The following CREG2 variants were observed in gnomAD, a reference collection of about 807,000 sequenced individuals.
CREG2 encodes cellular repressor of E1A stimulated genes 2, also known as protein CREG2.
A neutral mutation model predicts 26.2 loss-of-function variants in CREG2; 24 were observed. That is an observed-to-expected ratio of 0.92 (90% CI 0.66 to 1.29). CREG2 has a LOEUF of 1.29. CREG2 is among the 50% of genes most tolerant of loss of function. CREG2 has a pLI of 0.00. For synonymous variants in CREG2, 174 were observed against 169.2 expected, an observed-to-expected ratio of 1.03 and a Z score of -0.22; for missense variants, 366 against 398.6, an observed-to-expected ratio of 0.92 and a Z score of 0.70.
intron 1 of CREG2, among the ~76,000 whole-genome samples, chr2:101,386,383 T>C (rs1260296206): frequency 6.6e-6 from 1 of 152,240 alleles, no homozygotes; most frequent in Non-Finnish European, 1.5e-5. Context: ...GCATTACTTA[T>C]CCATGTCATT....
intron 1 of CREG2, among the ~76,000 whole-genome samples, chr2:101,385,821 G>T (rs1449196099): frequency 6.6e-6 from 1 of 152,198 alleles, no homozygotes; most frequent in Non-Finnish European, 1.5e-5. Context: ...TAAATCAAAT[G>T]TCAATAAGGA....
intron 2 of CREG2, among the ~76,000 whole-genome samples, chr2:101,370,641 GC>G (rs2104479142): frequency 6.6e-6 from 1 of 152,254 alleles, no homozygotes; most frequent in Non-Finnish European, 1.5e-5. Flanking sequence ...AGATCCGAAG[GC>G]CCTTATTTTC....
rs905582295 is a variant in CREG2 at position 101,346,814 on chromosome 2, A to G, written c.*4109T>C. 1.3e-4 allele frequency: 20 copies of G among 152,242 alleles called. No homozygotes were observed. The highest frequency in any genetic ancestry group is 8.8e-5 in the Non-Finnish European group (6 of 68,048). 9.4% of individuals were successfully genotyped at this position (152,242 alleles called of 1,614,324 possible). A position where few individuals can be genotyped will look rare whatever the true frequency, so the allele number is the denominator to read the frequency against. Reference sequence around the variant, plus strand: ...TTCACATGCAGTTGTAAGAAATAATACAGAGATCCTGTGTTCTTTTTACCC... The same window carrying G: ...TTCACATGCAGTTGTAAGAAATAATGCAGAGATCCTGTGTTCTTTTTACCC... On this transcript the variant is annotated 3_prime_UTR_variant, in exon 4 of 4. Coordinates refer to ENST00000324768, the MANE Select transcript of CREG2 (RefSeq NM_153836.4).
intron 2 of CREG2, among the ~76,000 whole-genome samples, chr2:101,360,797 G>A (rs901610184): frequency 1.3e-5 from 2 of 151,768 alleles, no homozygotes; most frequent in African/African-American, 2.4e-5. Context: ...CTGGAAAAAT[G>A]TGGTTGTTAA....
In CREG2 at chr2:101,383,595, A is replaced by G. The variant is rs1436832152; in HGVS notation, c.549T>C (p.Ala183=). The G allele has an allele frequency of 1.9e-6, 3 of 1,614,224 alleles. No homozygotes were observed. Among genetic ancestry groups the G allele is most frequent in the Admixed American group, 1.7e-5 (1 of 60,026 alleles). ...AGGCCATGGGGTTCTTCATCAGATC[A>G]GCCACCACGGGGTCCTTGGCTGTCA... is the stretch of plus-strand genomic sequence containing the variant. ...FYMTAKDPVV[A]DLMKNPMASL... The change falls in exon 2 of 4, where the codon GCT becomes GCC. Residue 183 remains alanine (A), a synonymous_variant. Coordinates refer to ENST00000324768, the MANE Select transcript of CREG2 (RefSeq NM_153836.4).
intron 2 of CREG2, among the ~76,000 whole-genome samples, chr2:101,356,237 G>A (rs1028171432): frequency 5.3e-5 from 8 of 152,138 alleles, no homozygotes; most frequent in African/African-American, 1.7e-4. Context: ...TGCCAGCTGC[G>A]GTCTGGGGTT....
intron 2 of CREG2, among the ~76,000 whole-genome samples, chr2:101,362,612 C>G (rs1293726726): frequency 1.3e-5 from 2 of 152,174 alleles, no homozygotes; most frequent in African/African-American, 4.8e-5. Context: ...CCTTTGGGCT[C>G]TCTACCTCCT....
intron 2 of CREG2, among the ~76,000 whole-genome samples, chr2:101,368,809 A>G (rs1477763959): frequency 6.6e-6 from 1 of 152,214 alleles, no homozygotes; most frequent in African/African-American, 2.4e-5. Context: ...CAGTGAGAAG[A>G]TGCCACCTCT....
At chr2:101,381,079 G>A (rs897931127) in intron 2 of CREG2, among the ~76,000 whole-genome samples, 2 of 152,184 alleles carry the variant, frequency 1.3e-5, no homozygotes, top group Non-Finnish European at 2.9e-5. Flanking sequence ...AGACATGGGC[G>A]CTTTCTTGAA....
chr2:101,347,241 C>A lies in CREG2; in HGVS notation c.*3682G>T, dbSNP rs1219557519. ...CCACCCGTTAAAGGCCATCTGATTT[C>A]TCCAAGTTTTTGAACATTATGGATA... On this transcript the variant is annotated 3_prime_UTR_variant, in exon 4 of 4. Transcript: ENST00000324768. The A allele has an allele frequency of 6.6e-6, 1 of 152,186 alleles. No homozygotes were observed. The highest frequency in any genetic ancestry group is 1.5e-5 in the Non-Finnish European group (1 of 68,026). 9.4% of individuals were successfully genotyped at this position (152,186 alleles called of 1,614,324 possible). A position where few individuals can be genotyped will look rare whatever the true frequency, so the allele number is the denominator to read the frequency against.
intron 2 of CREG2, among the ~76,000 whole-genome samples, chr2:101,374,925 C>T (rs529173495): frequency 6.6e-6 from 1 of 152,316 alleles, no homozygotes; most frequent in South Asian, 2.1e-4. Context: ...GGTGCACCCT[C>T]ATTTAGTTGT....
At position 101,362,457 on chromosome 2, in the gene CREG2, C is replaced by T. The variant is rs114813891; in HGVS notation, c.612-7091G>A. On this transcript the variant is annotated intron_variant, in intron 2 of 3. Transcript: ENST00000324768. ...TTTCTTTCAACTGAAAGGTTGCTCA[C>T]TAATTACAGGGCTTCAAGTTTCTGG... Among the ~76,000 whole-genome samples the T allele has an allele frequency of 8.9e-3, 1,348 of 152,316 alleles. 15 individuals carry two copies. The highest frequency in any genetic ancestry group is 0.031 in the African/African-American group (1,273 of 41,552).
At position 101,387,386 on chromosome 2, in the gene CREG2, G is replaced by A; in HGVS notation, c.72C>T (p.Ala24=). 6.9e-7 allele frequency: 1 copy of A among 1,454,260 alleles called. No individual in the cohort carries two copies. The highest frequency in any genetic ancestry group is 1.5e-5 in the African/African-American group (1 of 68,372). The allele number at this position is 1,454,260 out of a possible 1,614,324, so 90.1% of individuals were successfully genotyped here. ...TRLSWLLCCS[A]LLSPAAGYVI... The stretch of plus-strand genomic sequence containing the variant: ...CGTAGCCCGCGGCCGGGGACAGCAG[G>A]GCGCTGCAGCACAGCAGCCAGGAGA... Residue 24 remains alanine, a synonymous_variant, in exon 1 of 4, where the codon GCC becomes GCT. Coordinates refer to ENST00000324768, the MANE Select transcript of CREG2 (RefSeq NM_153836.4). This position sits in a 1 kb window ranked among gnomAD's most constrained non-coding sequence, Gnocchi z 4.7.
chr2:101,382,862 C>T (rs1684899498), intron 2 of CREG2: 7 of 985,462 alleles, frequency 7.1e-6, no homozygotes, highest in African/African-American at 3.5e-5. Context: ...ATTTGCTGCT[C>T]CTCTGGGAAG....
At chr2:101,386,222 G>A (rs1684964671) in intron 1 of CREG2, among the ~76,000 whole-genome samples, 1 of 152,190 alleles carries the variant, frequency 6.6e-6, no homozygotes, top group South Asian at 2.1e-4. Flanking sequence ...CCCAGAGCTG[G>A]GGCAAGAACC....
chr2:101,360,543 T>G (rs568108166), intron 2 of CREG2, among the ~76,000 whole-genome samples: 2 of 152,210 alleles, frequency 1.3e-5, no homozygotes, highest in South Asian at 4.1e-4. Context: ...GAGACCAGCC[T>G]AGCCAACATG....
At chr2:101,386,081 T>C (rs1421186751) in intron 1 of CREG2, among the ~76,000 whole-genome samples, 2 of 152,184 alleles carry the variant, frequency 1.3e-5, no homozygotes, top group Non-Finnish European at 2.9e-5. Context: ...TTAAGACCAT[T>C]GCCAAACTCG....
At chr2:101,382,420 C>T (rs1268572699) in intron 2 of CREG2, 7 of 847,334 alleles carry the variant, frequency 8.3e-6, no homozygotes, top group Admixed American at 8.3e-5. Flanking sequence ...GAGCGAAACT[C>T]TATCTCGAAA....
At chr2:101,384,772 G>C (rs767175220) in intron 1 of CREG2, among the ~76,000 whole-genome samples, 24 of 152,156 alleles carry the variant, frequency 1.6e-4, no homozygotes, top group Non-Finnish European at 2.6e-4. Context: ...GAGGCAGCAG[G>C]GTTGCTTGAG....
Sources: allele counts gnomAD v4.1 joint callset (sites outside exome capture counted in the v4.1 genomes callset), GRCh38; gene constraint gnomAD v4.1.1; non-coding constraint Gnocchi (gnomAD v3.1); transcripts MANE v1.5; gene names NCBI Gene and HGNC (gene_info 2026-07-23, HGNC 2026-07-21).